MYO3B: variants seen among roughly 807,000 people sequenced by gnomAD.
MYO3B encodes the protein myosin-IIIb.
In MYO3B, 156 loss-of-function variants were observed where a neutral mutation model predicts 174.6. That is an observed-to-expected ratio of 0.89 (90% CI 0.78 to 1.02). MYO3B has a LOEUF of 1.02. Ranked by LOEUF, MYO3B falls within the 50% of genes least tolerant of loss-of-function variation. The pLI, the probability that MYO3B is intolerant of heterozygous loss-of-function variation, is 0.00. For synonymous variants in MYO3B, 563 were observed against 569.1 expected, an observed-to-expected ratio of 0.99 and a Z score of 0.15; for missense variants, 1,632 against 1,639.4, an observed-to-expected ratio of 1.00 and a Z score of 0.08.
intron 28 of MYO3B, among the ~76,000 whole-genome samples, chr2:170,503,843 T>G (rs1473553566): frequency 6.6e-6 from 1 of 152,192 alleles, no homozygotes; most frequent in Non-Finnish European, 1.5e-5. Context: ...GCAGACAGCA[T>G]CTGCCCTTTA....
intron 7 of MYO3B, among the ~76,000 whole-genome samples, chr2:170,247,459 A>T (rs866901961): frequency 6.6e-6 from 1 of 152,134 alleles, no homozygotes; most frequent in Non-Finnish European, 1.5e-5. Flanking sequence ...GGTCATGGGG[A>T]ATGGGCATTG....
At chr2:170,283,729 A>C (rs985304192) in intron 7 of MYO3B, among the ~76,000 whole-genome samples, 1 of 152,176 alleles carries the variant, frequency 6.6e-6, no homozygotes, top group Non-Finnish European at 1.5e-5. Flanking sequence ...TGTGGGTTAA[A>C]TATCAGAAGG....
chr2:170,385,563 T>C (rs900976936), intron 12 of MYO3B, among the ~76,000 whole-genome samples: 10 of 152,130 alleles, frequency 6.6e-5, no homozygotes, highest in Non-Finnish European at 1.3e-4. Context: ...TAGAAATGAA[T>C]GATAAAAATA....
chr2:170,299,980 C>G (rs187426198), intron 7 of MYO3B, among the ~76,000 whole-genome samples: 1 of 152,130 alleles, frequency 6.6e-6, no homozygotes, highest in Non-Finnish European at 1.5e-5. Flanking sequence ...GGATAATTCT[C>G]GATGGTGTGC....
At position 170,514,954 on chromosome 2, in the gene MYO3B, C is replaced by T; in HGVS notation, c.3404C>T (p.Ser1135Phe). ...DTSNQSSGPHSPVAAGTRGSA... is the reference protein window; with the variant it reads ...DTSNQSSGPHFPVAAGTRGSA... Reference sequence around the variant, plus strand: ...TCAAACCAAAGCAGTGGGCCACATTCCCCCGTCGCAGCAGGTACGAGGGGA... The same window carrying T: ...TCAAACCAAAGCAGTGGGCCACATTTCCCCGTCGCAGCAGGTACGAGGGGA... The change falls in exon 29 of 35, where the codon TCC becomes TTC. Residue 1135 changes from serine to phenylalanine, a missense_variant. Transcript: ENST00000408978. The T allele has an allele frequency of 1.2e-6, 2 of 1,613,824 alleles. No homozygotes were observed. The highest frequency in any genetic ancestry group is 1.7e-6 in the Non-Finnish European group (2 of 1,179,808).
intron 16 of MYO3B, 44 bp downstream of exon 16, chr2:170,392,539 T>C (rs768515232): frequency 1.1e-5 from 14 of 1,241,980 alleles, no homozygotes; most frequent in East Asian, 5.2e-5. Flanking sequence ...AATATTCTTA[T>C]ATGAATGTGA....
intron 7 of MYO3B, among the ~76,000 whole-genome samples, chr2:170,287,960 T>C (rs2093568857): frequency 1.3e-5 from 2 of 152,142 alleles, no homozygotes; most frequent in South Asian, 4.1e-4. Flanking sequence ...CTGTTTTCCC[T>C]GCACCATTTG....
At chr2:170,522,240 A>G (rs1290651809) in intron 30 of MYO3B, among the ~76,000 whole-genome samples, 1 of 152,058 alleles carries the variant, frequency 6.6e-6, no homozygotes, top group African/African-American at 2.4e-5. Flanking sequence ...ACACTCCTAC[A>G]CCCAACTCAC....
chr2:170,300,973 G>A (rs2093661729), intron 7 of MYO3B, among the ~76,000 whole-genome samples: 1 of 152,190 alleles, frequency 6.6e-6, no homozygotes, highest in Non-Finnish European at 1.5e-5. Context: ...GTTAGTTGAT[G>A]AACCATGGTG....
chr2:170,652,920 C>T, intron 34 of MYO3B, 63 bp from the exon 35 acceptor site: 1 of 1,589,846 alleles, frequency 6.3e-7, no homozygotes, highest in Non-Finnish European at 8.6e-7. Flanking sequence ...TTAGCTGCCC[C>T]AGTGATGATT....
intron 1 of MYO3B, among the ~76,000 whole-genome samples, chr2:170,186,270 C>T (rs2092461062): frequency 6.6e-6 from 1 of 151,720 alleles, no homozygotes; most frequent in African/African-American, 2.4e-5. Context: ...TCATATGCAA[C>T]TTTTATTGTA....
intron 23 of MYO3B, among the ~76,000 whole-genome samples, chr2:170,451,585 A>G (rs896632202): frequency 6.6e-6 from 1 of 152,248 alleles, no homozygotes; most frequent in East Asian, 1.9e-4. Context: ...AGTCACATGA[A>G]CAAAAACTTA....
At chr2:170,626,305 G>T (rs1434514637) in intron 32 of MYO3B, among the ~76,000 whole-genome samples, 2 of 152,180 alleles carry the variant, frequency 1.3e-5, no homozygotes, top group South Asian at 2.1e-4. Context: ...TTACGATTAT[G>T]TAATGGCCTT....
chr2:170,582,927 A>C (rs1462339044), intron 32 of MYO3B, among the ~76,000 whole-genome samples: 2 of 152,042 alleles, frequency 1.3e-5, no homozygotes, highest in Non-Finnish European at 2.9e-5. Context: ...ACTTCAAAGG[A>C]TATAAAAGCA....
intron 32 of MYO3B, chr2:170,646,827 T>C (rs1698422021): frequency 2.5e-6 from 2 of 804,230 alleles, no homozygotes; most frequent in Admixed American, 4.4e-5. Flanking sequence ...TAACAATTGT[T>C]AAATTGAAGC....
At chr2:170,525,526 T>C (rs1688942329) in intron 30 of MYO3B, among the ~76,000 whole-genome samples, 2 of 152,146 alleles carry the variant, frequency 1.3e-5, no homozygotes, top group African/African-American at 4.8e-5. Context: ...AGGCAGGAGA[T>C]TGATAATGCT....
intron 30 of MYO3B, among the ~76,000 whole-genome samples, chr2:170,533,692 A>AT (rs1324827452): frequency 2.0e-5 from 3 of 152,164 alleles, no homozygotes; most frequent in African/African-American, 7.2e-5. Context: ...ATGTTTACGG[A>AT]TTTGTCTTTC....
At position 170,236,172 on chromosome 2, in the gene MYO3B, C is replaced by G. The variant is rs371368125; in HGVS notation, c.749+36C>G. 3.7e-6 allele frequency: 6 copies of G among 1,610,000 alleles called. No homozygotes were observed. In the African/African-American group the frequency reaches 6.7e-5, roughly 18 times the overall value. ...AGATGGCGCTCTTGACTCATTAGTT[C>G]TTTGTGAAAGCGTCTGGTTAGAGGG... On this transcript the variant is annotated intron_variant, in intron 7 of 34. Coordinates refer to ENST00000408978, the MANE Select transcript of MYO3B (RefSeq NM_138995.5).
chr2:170,332,839 G>A (rs1028956461), intron 7 of MYO3B, among the ~76,000 whole-genome samples: 1 of 152,150 alleles, frequency 6.6e-6, no homozygotes, highest in African/African-American at 2.4e-5. Flanking sequence ...CTGAAAACAG[G>A]AGGGTACATT....
Sources: gnomAD v4.1 joint callset for allele counts (sites outside exome capture counted in the v4.1 genomes callset) on GRCh38, gnomAD v4.1.1 for gene constraint, MANE v1.5 for transcripts, NCBI Gene and HGNC (gene_info 2026-07-23, HGNC 2026-07-21) for gene names.